The following NPAS3 variants were observed in gnomAD, a reference collection of about 807,000 sequenced individuals.
NPAS3 encodes neuronal PAS domain protein 3.
In NPAS3, 14 loss-of-function variants were observed where a neutral mutation model predicts 73.1. That is an observed-to-expected ratio of 0.19 (90% CI 0.13 to 0.30). The LOEUF (loss-of-function observed/expected upper bound fraction) is 0.30. Ranked by LOEUF, NPAS3 falls within the 10% of genes least tolerant of loss-of-function variation. NPAS3 has a pLI of 1.00. For missense variants in NPAS3, 1,096 were observed against 1,250.0 expected, an observed-to-expected ratio of 0.88 and a Z score of 1.86; for synonymous variants, 620 against 541.5, an observed-to-expected ratio of 1.14 and a Z score of -2.01.
intron 6 of NPAS3, among the ~76,000 whole-genome samples, chr14:33,734,132 G>A (rs8011431): frequency 0.06 from 9,095 of 151,730 alleles, 536 homozygotes; most frequent in African/African-American, 0.15. Flanking sequence ...ATATTTCTTT[G>A]CCCTTACTCC....
At chr14:33,387,614 C>T (rs1324343872) in intron 4 of NPAS3, among the ~76,000 whole-genome samples, 2 of 151,982 alleles carry the variant, frequency 1.3e-5, no homozygotes, top group African/African-American at 4.8e-5. Context: ...TCCTTAAGTC[C>T]CACAGAGAGG....
chr14:33,367,951 C>T (rs903951542), intron 4 of NPAS3, among the ~76,000 whole-genome samples: 1 of 152,046 alleles, frequency 6.6e-6, no homozygotes, highest in Non-Finnish European at 1.5e-5. Context: ...ACTTTGCCAT[C>T]GATTCAACAC....
At chr14:33,353,559 A>G (rs1350290881) in intron 3 of NPAS3, among the ~76,000 whole-genome samples, 3 of 152,264 alleles carry the variant, frequency 2.0e-5, no homozygotes, top group Non-Finnish European at 2.9e-5. Flanking sequence ...TATTGGTAGC[A>G]TGAAGTAAGT....
At chr14:33,115,085 A>T (rs572980188) in intron 2 of NPAS3, among the ~76,000 whole-genome samples, 1 of 151,860 alleles carries the variant, frequency 6.6e-6, no homozygotes, top group Admixed American at 6.6e-5. Context: ...AACATCACTA[A>T]CATTATTGAG....
intron 2 of NPAS3, among the ~76,000 whole-genome samples, chr14:33,195,269 T>G (rs185619581): frequency 8.5e-4 from 130 of 152,182 alleles, no homozygotes; most frequent in South Asian, 7.3e-3. Context: ...TTTTTTTGTT[T>G]TGTTTTCTTT....
chr14:33,108,008 C>T (rs2042774855), intron 2 of NPAS3, among the ~76,000 whole-genome samples: 1 of 152,104 alleles, frequency 6.6e-6, no homozygotes, highest in African/African-American at 2.4e-5. Context: ...AGAGGACTGT[C>T]CTCCTCGCAG....
At chr14:33,174,244 C>T (rs2045504992) in intron 2 of NPAS3, among the ~76,000 whole-genome samples, 1 of 152,178 alleles carries the variant, frequency 6.6e-6, no homozygotes, top group Non-Finnish European at 1.5e-5. Context: ...TGCACATCAG[C>T]ATGCCCCTAA....
intron 1 of NPAS3, among the ~76,000 whole-genome samples, chr14:33,027,918 C>T (rs1484115335): frequency 6.6e-6 from 1 of 152,122 alleles, no homozygotes; most frequent in Non-Finnish European, 1.5e-5. Flanking sequence ...TTTTGTATAT[C>T]ACATGATACT....
At position 33,081,290 on chromosome 14, in the gene NPAS3, A is replaced by G. The variant is rs2041855977; in HGVS notation, c.140+25296A>G. 2.6e-5 allele frequency among the ~76,000 whole-genome samples: 4 copies of G among 152,198 alleles called. No homozygotes were observed. The South Asian group carries it at 8.3e-4, about 31-fold the overall frequency. ...TCACTTCTCTCATTTCAGAACCTTG[A>G]CAATAAAAATCTAGAGCAGTCTGTG... On this transcript the variant is annotated intron_variant, in intron 2 of 11. Coordinates refer to ENST00000356141, the Ensembl canonical transcript of NPAS3.
intron 4 of NPAS3, among the ~76,000 whole-genome samples, chr14:33,530,774 G>A (rs2054005395): frequency 6.6e-6 from 1 of 151,646 alleles, no homozygotes; most frequent in South Asian, 2.1e-4. Context: ...TAAAAATAGG[G>A]GATGGGAGGG....
chr14:33,767,167 G>A (rs1034509191), intron 7 of NPAS3, among the ~76,000 whole-genome samples: 6 of 152,298 alleles, frequency 3.9e-5, no homozygotes, highest in African/African-American at 1.4e-4. Context: ...AGACCTAGGT[G>A]GCAAGAGTGA....
intron 1 of NPAS3, among the ~76,000 whole-genome samples, chr14:32,944,816 C>T (rs1021659074): frequency 1.3e-5 from 2 of 152,214 alleles, no homozygotes; most frequent in East Asian, 1.9e-4. Flanking sequence ...TTTCTGTATA[C>T]ATTTGTAAAA....
intron 3 of NPAS3, among the ~76,000 whole-genome samples, chr14:33,246,400 A>G (rs568832866): frequency 3.3e-5 from 5 of 152,028 alleles, no homozygotes; most frequent in South Asian, 2.1e-4. Flanking sequence ...TTAGCCGGGC[A>G]TGGTGGCGGG....
downstream of NPAS3, chr14:33,801,651 T>C (rs2063717120): frequency 6.6e-6 from 1 of 152,620 alleles, no homozygotes; most frequent in Non-Finnish European, 1.5e-5. Context: ...CTTTTTACGG[T>C]TAAGATTTTA....
chr14:33,383,150 C>T (rs1315659), intron 4 of NPAS3, among the ~76,000 whole-genome samples: 9 of 151,100 alleles, frequency 6.0e-5, no homozygotes, highest in Admixed American at 2.6e-4. Flanking sequence ...CCCATGTGTG[C>T]TTTTTTGTGA....
At chr14:33,105,130 A>C (rs2042685159) in intron 2 of NPAS3, among the ~76,000 whole-genome samples, 1 of 152,210 alleles carries the variant, frequency 6.6e-6, no homozygotes, top group African/African-American at 2.4e-5. Context: ...GTTAAAAATC[A>C]CCAAACATAC....
intron 7 of NPAS3, among the ~76,000 whole-genome samples, chr14:33,748,796 C>T (rs891544360): frequency 6.6e-6 from 1 of 152,158 alleles, no homozygotes; most frequent in Non-Finnish European, 1.5e-5. Flanking sequence ...TGCATTAGTG[C>T]TTTAGCCCCT....
At chr14:33,340,383 T>C (rs1594730681) in intron 3 of NPAS3, among the ~76,000 whole-genome samples, 1 of 152,172 alleles carries the variant, frequency 6.6e-6, no homozygotes. Context: ...TAATCCCAAC[T>C]ACCTGGGAGG....
At chr14:33,176,751 G>A (rs1223434896) in intron 2 of NPAS3, among the ~76,000 whole-genome samples, 1 of 152,042 alleles carries the variant, frequency 6.6e-6, no homozygotes, top group African/African-American at 2.4e-5. Flanking sequence ...GGAATTACTG[G>A]GTCAAATGGT....
Sources: allele counts gnomAD v4.1 joint callset (sites outside exome capture counted in the v4.1 genomes callset), GRCh38; gene constraint gnomAD v4.1.1; transcripts MANE v1.5; gene names NCBI Gene and HGNC (gene_info 2026-07-23, HGNC 2026-07-21).